TXK: variants seen among roughly 807,000 people sequenced by gnomAD.
The protein encoded by TXK is tyrosine-protein kinase TXK.
A neutral mutation model predicts 81.0 loss-of-function variants in TXK; 60 were observed. That is an observed-to-expected ratio of 0.74 (90% CI 0.60 to 0.92). The LOEUF is 0.92. TXK is among the 40% of genes least tolerant of loss of function. TXK has a pLI of 0.00. For missense variants in TXK, 581 were observed against 638.3 expected, an observed-to-expected ratio of 0.91 and a Z score of 0.97; for synonymous variants, 203 against 210.7, an observed-to-expected ratio of 0.96 and a Z score of 0.32.
intron 10 of TXK, among the ~76,000 whole-genome samples, chr4:48,083,455 C>T (rs554176781): frequency 5.4e-4 from 82 of 152,254 alleles, no homozygotes; most frequent in African/African-American, 1.9e-3. Flanking sequence ...TTTTGTAGGC[C>T]GATCACCTTG....
chr4:48,111,545 A>G (rs1718632705), intron 4 of TXK, among the ~76,000 whole-genome samples: 1 of 152,234 alleles, frequency 6.6e-6, no homozygotes, highest in Non-Finnish European at 1.5e-5. Flanking sequence ...GGTGTGGCTA[A>G]TTACACAGTC....
At chr4:48,079,826 T>G (rs1717222668) in intron 11 of TXK, 86 bp downstream of exon 11, 1 of 912,042 alleles carries the variant, frequency 1.1e-6, no homozygotes, top group East Asian at 2.4e-5. Flanking sequence ...CAAGGACACA[T>G]TATTCAAAGT....
chr4:48,126,140 T>C (rs1417513097), intron 1 of TXK, among the ~76,000 whole-genome samples: 1 of 145,196 alleles, frequency 6.9e-6, no homozygotes, highest in Non-Finnish European at 1.5e-5. Context: ...GGTATAAACA[T>C]TTACATGAAG....
chr4:48,073,091 A>ATTT (rs33919573), intron 13 of TXK, among the ~76,000 whole-genome samples: 19,889 of 136,848 alleles, frequency 0.15, 1,894 homozygotes, highest in East Asian at 0.37. Context: ...CACCTGGCTA[A>ATTT]TTTTTTTTTT....
intron 1 of TXK, among the ~76,000 whole-genome samples, chr4:48,126,950 G>A (rs1225242776): frequency 3.3e-5 from 5 of 152,136 alleles, no homozygotes; most frequent in African/African-American, 1.2e-4. Flanking sequence ...ACTGTCTTCT[G>A]CAGCCTGGAA....
chr4:48,132,671 C>T (rs920766734), intron 1 of TXK, among the ~76,000 whole-genome samples: 4 of 152,112 alleles, frequency 2.6e-5, no homozygotes, highest in East Asian at 3.8e-4. Flanking sequence ...CATGCTTGGC[C>T]GCGTGTGGTG....
chr4:48,084,069 T>G (rs143076794), intron 10 of TXK, among the ~76,000 whole-genome samples: 2 of 152,198 alleles, frequency 1.3e-5, no homozygotes, highest in African/African-American at 4.8e-5. Flanking sequence ...ATTTTCTGCC[T>G]CACTTTTTTA....
Position 48,114,626 on chromosome 4 carries a change from T to C in TXK, c.17-224A>G. On this transcript the variant is annotated intron_variant, in intron 1 of 14. Coordinates refer to ENST00000264316, the MANE Select transcript of TXK (RefSeq NM_003328.3). ...CTCAGGCTCTTCTCCTCTGGCCTGG[T>C]TTTTGCATTTCCTCAGTCTGTGAGT... is the stretch of plus-strand genomic sequence containing the variant. 3 of 551,078 alleles carry C rather than the reference T, an allele frequency of 5.4e-6. No homozygotes were observed. In the South Asian group the frequency reaches 6.4e-5, roughly 12 times the overall value. 34.1% of individuals were successfully genotyped at this position (551,078 alleles called of 1,614,324 possible). A position where few individuals can be genotyped will look rare whatever the true frequency, so the allele number is the denominator to read the frequency against.
intron 12 of TXK, among the ~76,000 whole-genome samples, chr4:48,075,700 T>C (rs959812441): frequency 1.3e-5 from 2 of 151,900 alleles, no homozygotes; most frequent in Non-Finnish European, 2.9e-5. Context: ...ATTCAGTACG[T>C]GTTAGCAGCT....
intron 5 of TXK, among the ~76,000 whole-genome samples, chr4:48,107,565 A>T (rs1424171200): frequency 6.6e-6 from 1 of 151,948 alleles, no homozygotes; most frequent in Non-Finnish European, 1.5e-5. Context: ...TTTTATTTTA[A>T]GTTCCGGGGT....
chr4:48,090,395 T>C (rs1248431762), intron 8 of TXK, among the ~76,000 whole-genome samples: 3 of 152,198 alleles, frequency 2.0e-5, no homozygotes, highest in Admixed American at 1.3e-4. Flanking sequence ...CCAACGGTGT[T>C]GAAGTGTGCC....
At chr4:48,070,654 C>CTGTA (rs1209432271) in intron 14 of TXK, among the ~76,000 whole-genome samples, 3 of 152,098 alleles carry the variant, frequency 2.0e-5, no homozygotes, top group Non-Finnish European at 4.4e-5. Flanking sequence ...TCTCAGCTCA[C>CTGTA]TGTAGCCTTT....
intron 1 of TXK, among the ~76,000 whole-genome samples, chr4:48,124,014 A>G (rs913757043): frequency 6.6e-6 from 1 of 152,144 alleles, no homozygotes; most frequent in African/African-American, 2.4e-5. Context: ...CAGTTCCCAA[A>G]GCACCTATGC....
intron 14 of TXK, among the ~76,000 whole-genome samples, chr4:48,068,017 G>A (rs777523956): frequency 5.3e-5 from 8 of 152,166 alleles, no homozygotes; most frequent in African/African-American, 1.2e-4. Context: ...TGAGTGAGGC[G>A]TGAATATGAA....
chr4:48,068,138 C>T (rs1254311291), intron 14 of TXK, among the ~76,000 whole-genome samples: 3 of 152,202 alleles, frequency 2.0e-5, no homozygotes, highest in Non-Finnish European at 4.4e-5. Flanking sequence ...AATTCAGTTA[C>T]TCAGTCGTGC....
chr4:48,104,559 AATATATATATATAATATATATATTAT>A lies in TXK; in HGVS notation c.501+316_501+341del, dbSNP rs1718382666. Among the ~76,000 whole-genome samples, 2 of 24,174 alleles carry A rather than the reference AATATATATATATAATATATATATTAT, an allele frequency of 8.3e-5. 1 individual carries two copies. The highest frequency in any genetic ancestry group is 1.4e-4 in the Non-Finnish European group (2 of 14,430). 15.9% of individuals were successfully genotyped at this position (24,174 alleles called of 152,430 possible). A position where few individuals can be genotyped will look rare whatever the true frequency, so the allele number is the denominator to read the frequency against. ...TATATATTTTATATATATAATATATAATATATATATATAATATATATATTATATATATATATAGAGAGAGAGAGAGA... is the reference window on the plus strand; with the variant it reads ...TATATATTTTATATATATAATATATAATATATATATAGAGAGAGAGAGAGA... On this transcript the variant is annotated intron_variant, in intron 6 of 14. Transcript: ENST00000264316.
At chr4:48,090,237 T>A (rs1266338256) in intron 8 of TXK, among the ~76,000 whole-genome samples, 1 of 152,214 alleles carries the variant, frequency 6.6e-6, no homozygotes, top group East Asian at 1.9e-4. Flanking sequence ...TAAACAGAGC[T>A]TAAATTTATT....
Position 48,079,963 on chromosome 4 carries a change from T to A in TXK, c.1122A>T (p.Ile374=). The change falls in exon 11 of 15, where the codon ATA becomes ATT. Residue 374 remains isoleucine, a synonymous_variant. Transcript: ENST00000264316. ...KEMLLSVCQD[I]CEGMEYLERN... Reference sequence around the variant, plus strand: ...TCTCCAGATATTCCATTCCTTCACATATATCCTGGCATACACTCAGTAGCA... The same window carrying A: ...TCTCCAGATATTCCATTCCTTCACAAATATCCTGGCATACACTCAGTAGCA... The A allele has an allele frequency of 1.2e-6, 2 of 1,614,032 alleles. No individual in the cohort carries two copies. The highest frequency in any genetic ancestry group is 1.7e-6 in the Non-Finnish European group (2 of 1,179,954).
chr4:48,122,740 C>A (rs1718990981), intron 1 of TXK, among the ~76,000 whole-genome samples: 1 of 152,160 alleles, frequency 6.6e-6, no homozygotes, highest in Non-Finnish European at 1.5e-5. Flanking sequence ...TGAAAGAGCA[C>A]AAAATTATAA....
Sources: allele counts gnomAD v4.1 joint callset (sites outside exome capture counted in the v4.1 genomes callset), GRCh38; gene constraint gnomAD v4.1.1; transcripts MANE v1.5; gene names NCBI Gene and HGNC (gene_info 2026-07-23, HGNC 2026-07-21).